The following KCTD1 variants were observed in gnomAD, a reference collection of about 807,000 sequenced individuals.
The protein encoded by KCTD1 is potassium channel tetramerization domain containing 1, also known as BTB/POZ domain-containing protein KCTD1.
In KCTD1, 24 loss-of-function variants were observed where a neutral mutation model predicts 66.0. The observed-to-expected ratio is 0.36, with a 90% CI of 0.26 to 0.51. KCTD1 has a LOEUF of 0.51. Among genes scored for constraint, KCTD1 ranks in the 20% least tolerant of loss-of-function variants. The pLI is 0.95. For synonymous variants in KCTD1, 511 were observed against 517.2 expected, an observed-to-expected ratio of 0.99 and a Z score of 0.16; for missense variants, 943 against 1,205.2, an observed-to-expected ratio of 0.78 and a Z score of 3.22.
chr18:26,561,728 G>A (rs892044773), intron 1 of KCTD1, among the ~76,000 whole-genome samples: 1 of 152,182 alleles, frequency 6.6e-6, no homozygotes, highest in Non-Finnish European at 1.5e-5. Flanking sequence ...ATGGGTCCCT[G>A]GGCAGCTAAT....
In KCTD1 at chr18:26,513,144, A is replaced by G. The variant is rs185009994; in HGVS notation, c.1810-11894T>C. Among the ~76,000 whole-genome samples the G allele has an allele frequency of 9.3e-3, 1,388 of 149,194 alleles. 25 individuals are homozygous for G. Among genetic ancestry groups the G allele is most frequent in the African/African-American group, 0.031 (1,244 of 40,460 alleles). ...GCTGTGTTGCCCAGGCTGGAGTGCA[A>G]TGGCGCCATCTCGGTTCACTGCAAG... is the stretch of plus-strand genomic sequence containing the variant. On this transcript the variant is annotated intron_variant, in intron 1 of 4. Coordinates refer to ENST00000580059, the MANE Select transcript of KCTD1 (RefSeq NM_001142730.3).
chr18:26,500,115 C>T (rs1982678964), intron 2 of KCTD1, among the ~76,000 whole-genome samples: 1 of 152,036 alleles, frequency 6.6e-6, no homozygotes, highest in South Asian at 2.1e-4. Flanking sequence ...GACCCCATCT[C>T]TACAAAAAAT....
At position 26,455,769 on chromosome 18, in the gene KCTD1, G is replaced by A. The variant is rs368013251; in HGVS notation, c.2572C>T (p.Arg858Trp). 63 of 1,613,886 alleles carry A rather than the reference G, an allele frequency of 3.9e-5. No individual in the cohort carries two copies. The highest frequency in any genetic ancestry group is 6.7e-5 in the Admixed American group (4 of 59,978). The change falls in exon 5 of 5, where the codon CGG becomes TGG. Residue 858 changes from arginine to tryptophan, a missense_variant. By Grantham distance (101) the Arg-to-Trp change is moderately radical (BLOSUM62 -3). Transcript: ENST00000580059. ...TAGTCCAGAGGCTCTTGCTTTATCC[G>A]GATGACGGAGGGTACACGGGGCGTC... The part of the protein sequence containing the change: ...RRTPRVPSVI[R>W]IKQEPLD
intron 1 of KCTD1, among the ~76,000 whole-genome samples, chr18:26,557,454 A>G (rs778248605): frequency 4.6e-5 from 7 of 152,198 alleles, no homozygotes; most frequent in Non-Finnish European, 1.0e-4. Context: ...GTTAGTTTTT[A>G]GATTTAGAGC....
chr18:26,535,937 T>C (rs1237061963), intron 1 of KCTD1, among the ~76,000 whole-genome samples: 1 of 136,398 alleles, frequency 7.3e-6, no homozygotes. Context: ...TCTGGTTACT[T>C]ATTTGCCTCC....
At chr18:26,538,613 A>C (rs1013828158) in intron 1 of KCTD1, among the ~76,000 whole-genome samples, 6 of 152,204 alleles carry the variant, frequency 3.9e-5, no homozygotes, top group Admixed American at 6.5e-5. Context: ...CTTTATGATA[A>C]AGATCTGCAT....
At chr18:26,612,175 C>T (rs1266009075) in intron 1 of KCTD1, among the ~76,000 whole-genome samples, 1 of 152,102 alleles carries the variant, frequency 6.6e-6, no homozygotes, top group Non-Finnish European at 1.5e-5. Flanking sequence ...GGACCCAATG[C>T]AGACCCCAGG....
chr18:26,485,876 A>G (rs1981890658), intron 2 of KCTD1, among the ~76,000 whole-genome samples: 1 of 152,184 alleles, frequency 6.6e-6, no homozygotes, highest in South Asian at 2.1e-4. Flanking sequence ...AAAATAGCTA[A>G]CATGTATTAA....
intron 1 of KCTD1, among the ~76,000 whole-genome samples, chr18:26,585,706 T>C (rs1263014505): frequency 1.3e-5 from 2 of 152,262 alleles, no homozygotes; most frequent in African/African-American, 4.8e-5. Flanking sequence ...TGAATTACTC[T>C]GTGTGACACA....
intron 1 of KCTD1, among the ~76,000 whole-genome samples, chr18:26,607,079 G>T (rs1326998092): frequency 6.6e-6 from 1 of 152,102 alleles, no homozygotes; most frequent in Non-Finnish European, 1.5e-5. Flanking sequence ...CTGTTGCCCA[G>T]GCTAGAGTGC....
chr18:26,494,089 G>A (rs1982345947), intron 2 of KCTD1, among the ~76,000 whole-genome samples: 1 of 152,168 alleles, frequency 6.6e-6, no homozygotes, highest in South Asian at 2.1e-4. Flanking sequence ...GAAAGAACGG[G>A]CCACGCTCAG....
At chr18:26,632,062 C>T (rs1449580470), upstream of KCTD1, among the ~76,000 whole-genome samples, 1 of 136,728 alleles carries the variant, frequency 7.3e-6, no homozygotes, top group Non-Finnish European at 1.6e-5. Context: ...AACAAACAAA[C>T]AAACAACAAA....
chr18:26,609,907 C>G (rs1161717321), intron 1 of KCTD1, among the ~76,000 whole-genome samples: 2 of 152,150 alleles, frequency 1.3e-5, no homozygotes, highest in Non-Finnish European at 2.9e-5. Flanking sequence ...TAAAGTGTGT[C>G]AACTTACTGA....
At chr18:26,656,329 C>G (rs1016514868) in intron 1 of KCTD1, among the ~76,000 whole-genome samples, 1 of 152,222 alleles carries the variant, frequency 6.6e-6, no homozygotes, top group African/African-American at 2.4e-5. Context: ...CCCCCACCCC[C>G]TCCCCGCCTC....
intron 2 of KCTD1, among the ~76,000 whole-genome samples, chr18:26,488,616 C>A (rs1158129157): frequency 6.6e-6 from 1 of 152,192 alleles, no homozygotes; most frequent in Non-Finnish European, 1.5e-5. Context: ...CACCCTTCAG[C>A]TATGAAGCCC....
chr18:26,486,453 C>T (rs1203409112), intron 2 of KCTD1, among the ~76,000 whole-genome samples: 1 of 152,216 alleles, frequency 6.6e-6, no homozygotes, highest in East Asian at 1.9e-4. Flanking sequence ...CGCAGTTGCG[C>T]TCTTTGTTAC....
chr18:26,614,099 G>A (rs987457378), intron 1 of KCTD1, among the ~76,000 whole-genome samples: 2 of 152,066 alleles, frequency 1.3e-5, no homozygotes, highest in East Asian at 1.9e-4. Flanking sequence ...ACACATATAC[G>A]TTGATCTAAC....
chr18:26,505,583 G>T (rs1243973424), intron 1 of KCTD1, among the ~76,000 whole-genome samples: 1 of 152,192 alleles, frequency 6.6e-6, no homozygotes, highest in Non-Finnish European at 1.5e-5. Flanking sequence ...TAGAGACAGG[G>T]TCTTGCTCTG....
intron 2 of KCTD1, among the ~76,000 whole-genome samples, chr18:26,484,711 T>C (rs927154802): frequency 6.6e-6 from 1 of 152,128 alleles, no homozygotes; most frequent in Non-Finnish European, 1.5e-5. Flanking sequence ...GGCCTTAAAC[T>C]GGGCATGATA....
Sources: allele counts gnomAD v4.1 joint callset (sites outside exome capture counted in the v4.1 genomes callset), GRCh38; gene constraint gnomAD v4.1.1; transcripts MANE v1.5; gene names NCBI Gene and HGNC (gene_info 2026-07-23, HGNC 2026-07-21).